The following ADAMTSL1 variants were observed in gnomAD, a reference collection of about 807,000 sequenced individuals.
ADAMTSL1 encodes ADAMTS like 1, also known as ADAMTS-like protein 1.
Under a neutral mutation model 201.8 loss-of-function variants are expected in ADAMTSL1, and 126 were observed. The ratio of observed to expected loss-of-function variants is 0.62; its 90% CI spans 0.54 to 0.72. ADAMTSL1 has a LOEUF of 0.72. Among genes scored for constraint, ADAMTSL1 ranks in the 30% least tolerant of loss-of-function variants. The pLI, the probability that ADAMTSL1 is intolerant of heterozygous loss-of-function variation, is 0.00. For synonymous variants in ADAMTSL1, 1,121 were observed against 903.4 expected (o/e 1.24, Z -4.32); for missense variants, 2,679 against 2,277.8 (o/e 1.18, Z -3.59).
intron 1 of ADAMTSL1, among the ~76,000 whole-genome samples, chr9:18,050,337 GT>G (rs1366329836): frequency 1.3e-5 from 2 of 152,038 alleles, no homozygotes; most frequent in African/African-American, 4.8e-5. Flanking sequence ...AAATACTTGA[GT>G]TTTTTATATA....
intron 1 of ADAMTSL1, among the ~76,000 whole-genome samples, chr9:18,150,586 G>A (rs903667446): frequency 2.0e-5 from 3 of 151,986 alleles, no homozygotes; most frequent in African/African-American, 7.2e-5. Context: ...TGGCTAGTAG[G>A]AACAGGAACA....
chr9:18,075,254 T>C (rs1823164008), intron 1 of ADAMTSL1, among the ~76,000 whole-genome samples: 1 of 152,220 alleles, frequency 6.6e-6, no homozygotes, highest in South Asian at 2.1e-4. Context: ...CAATAATGGT[T>C]ATTAAATTTA....
intron 2 of ADAMTSL1, among the ~76,000 whole-genome samples, chr9:18,348,739 A>G (rs1306243133): frequency 6.6e-6 from 1 of 152,148 alleles, no homozygotes; most frequent in Non-Finnish European, 1.5e-5. Flanking sequence ...AGCTATGGTG[A>G]GAATCCAGAT....
rs908238542 is a variant in ADAMTSL1 at position 18,512,440 on chromosome 9, T to TA, written c.191+7495dup. Among the ~76,000 whole-genome samples the TA allele has an allele frequency of 9.8e-3, 1,450 of 148,034 alleles. 24 individuals are homozygous for TA. The highest frequency in any genetic ancestry group is 0.032 in the African/African-American group (1,318 of 40,704). On this transcript the variant is annotated intron_variant, in intron 2 of 28. Transcript: ENST00000380548. Reference sequence around the variant, plus strand: ...CTCTTAGATGTCTTTTTCTGTTTATTAAAAAAAAAAATCCTTATGTGATTT... The same window carrying TA: ...CTCTTAGATGTCTTTTTCTGTTTATTAAAAAAAAAAAATCCTTATGTGATTT...
rs150336882 is a variant in ADAMTSL1 at position 18,025,127 on chromosome 9, A to G, written c.87+118205A>G. Among the ~76,000 whole-genome samples, 1,001 of 151,378 alleles carry G rather than the reference A, an allele frequency of 6.6e-3. 15 individuals carry two copies. Among genetic ancestry groups the G allele is most frequent in the African/African-American group, 0.023 (956 of 41,370 alleles). On this transcript the variant is annotated intron_variant, in intron 1 of 29. Coordinates refer to the ADAMTSL1 transcript ENST00000680146. The stretch of plus-strand genomic sequence containing the variant: ...TTAATTGGGTTTTTTTGCTTGCTGA[A>G]TTGTTTATGTTCCTTATGGATCCTG...
intron 1 of ADAMTSL1, among the ~76,000 whole-genome samples, chr9:18,489,064 C>T (rs977050688): frequency 3.3e-5 from 5 of 152,136 alleles, no homozygotes; most frequent in African/African-American, 1.2e-4. Context: ...TGGCAGCCTC[C>T]ATCCCCGCAA....
At chr9:18,804,801 C>A (rs891273432) in intron 20 of ADAMTSL1, among the ~76,000 whole-genome samples, 1 of 152,168 alleles carries the variant, frequency 6.6e-6, no homozygotes, top group African/African-American at 2.4e-5. Context: ...AAACCTGTGA[C>A]AATTCTAGTA....
intron 2 of ADAMTSL1, among the ~76,000 whole-genome samples, chr9:18,229,481 C>T (rs556118987): frequency 4.0e-5 from 6 of 149,058 alleles, no homozygotes; most frequent in South Asian, 4.3e-4. Context: ...TTTAGGTTAA[C>T]GTAAGGAAGA....
Position 18,776,953 on chromosome 9 carries a change from C to T in ADAMTSL1, c.2724C>T (p.Leu908=), listed in dbSNP as rs1401777667. 3.8e-6 allele frequency: 6 copies of T among 1,599,288 alleles called. No homozygotes were observed. Among genetic ancestry groups the T allele is most frequent in the Non-Finnish European group, 5.1e-6 (6 of 1,171,998 alleles). The change falls in exon 19 of 29, where the codon CTC becomes CTT. Residue 908 remains leucine (L), a synonymous_variant. Coordinates refer to ENST00000380548, the MANE Select transcript of ADAMTSL1 (RefSeq NM_001040272.6). The stretch of plus-strand genomic sequence containing the variant: ...CGGCGCGCAGGGTCCGCAAGCCCCT[C>T]ATCACCTGGGAGAAGGACGGCCAGC... The part of the protein sequence containing the change: ...RCPARRVRKP[L]ITWEKDGQHL...
At chr9:18,216,492 T>C (rs1830059398) in intron 2 of ADAMTSL1, among the ~76,000 whole-genome samples, 1 of 152,066 alleles carries the variant, frequency 6.6e-6, no homozygotes, top group Non-Finnish European at 1.5e-5. Flanking sequence ...AGCATAGGCA[T>C]GAGGGGAGAA....
chr9:18,854,201 C>T (rs1826699703), intron 23 of ADAMTSL1, among the ~76,000 whole-genome samples: 1 of 151,984 alleles, frequency 6.6e-6, no homozygotes, highest in Non-Finnish European at 1.5e-5. Flanking sequence ...GTCTTCTAGA[C>T]AAGAGTTTTG....
intron 26 of ADAMTSL1, among the ~76,000 whole-genome samples, chr9:18,897,651 A>G (rs181339577): frequency 1.3e-5 from 2 of 152,356 alleles, no homozygotes; most frequent in Non-Finnish European, 2.9e-5. Context: ...TATTAAATAG[A>G]AAACAATAAC....
intron 1 of ADAMTSL1, among the ~76,000 whole-genome samples, chr9:18,110,492 C>T (rs182368184): frequency 2.4e-4 from 36 of 152,278 alleles, no homozygotes; most frequent in African/African-American, 6.7e-4. Flanking sequence ...TTGTGACACA[C>T]CTGCTTTGTA....
chr9:18,401,052 G>A (rs1360907114), intron 2 of ADAMTSL1, among the ~76,000 whole-genome samples: 6 of 152,180 alleles, frequency 3.9e-5, no homozygotes, highest in African/African-American at 1.4e-4. Flanking sequence ...GTAGAATGGC[G>A]AGGAAATTAA....
intron 26 of ADAMTSL1, among the ~76,000 whole-genome samples, chr9:18,897,000 G>C (rs1357847702): frequency 6.6e-6 from 1 of 152,182 alleles, no homozygotes. Context: ...GTTCCTGGGG[G>C]AGGGGTAGCC....
At chr9:17,972,911 C>T (rs1396411570) in intron 1 of ADAMTSL1, among the ~76,000 whole-genome samples, 3 of 149,170 alleles carry the variant, frequency 2.0e-5, no homozygotes, top group Non-Finnish European at 3.0e-5. Context: ...TCTCTGATGG[C>T]CAGTGATGAT....
intron 1 of ADAMTSL1, among the ~76,000 whole-genome samples, chr9:18,090,140 AT>A (rs1212141073): frequency 6.6e-6 from 1 of 152,214 alleles, no homozygotes; most frequent in Non-Finnish European, 1.5e-5. Flanking sequence ...ATGTGAAGAA[AT>A]TGCTGGTAGG....
chr9:17,945,935 G>T (rs1247876784), intron 1 of ADAMTSL1, among the ~76,000 whole-genome samples: 1 of 151,566 alleles, frequency 6.6e-6, no homozygotes, highest in African/African-American at 2.4e-5. Flanking sequence ...CCTGCACATG[G>T]TGCACATGTA....
intron 9 of ADAMTSL1, among the ~76,000 whole-genome samples, chr9:18,670,031 T>C (rs1164231544): frequency 6.6e-6 from 1 of 152,212 alleles, no homozygotes; most frequent in Non-Finnish European, 1.5e-5. Flanking sequence ...ATTACTTCTT[T>C]CCTGCACCCT....
Sources: allele counts gnomAD v4.1 joint callset (sites outside exome capture counted in the v4.1 genomes callset), GRCh38; gene constraint gnomAD v4.1.1; transcripts MANE v1.5; gene names NCBI Gene and HGNC (gene_info 2026-07-23, HGNC 2026-07-21).